The following CLIC4 variants were observed in gnomAD, a reference collection of about 807,000 sequenced individuals.
CLIC4 encodes chloride intracellular channel protein 4.
CLIC4 carries 13 observed loss-of-function variants against 24.6 expected under a neutral mutation model. The observed-to-expected ratio is 0.53, with a 90% CI of 0.34 to 0.84. The LOEUF is 0.84. CLIC4 is among the 40% of genes least tolerant of loss of function. The pLI, the probability that CLIC4 is intolerant of heterozygous loss-of-function variation, is 0.01. For synonymous variants in CLIC4, 104 were observed against 111.3 expected (o/e 0.93, Z 0.41); for missense variants, 227 against 301.7 (o/e 0.75, Z 1.83).
At chr1:24,830,004 ATCCATG>A (rs1639824333) in intron 4 of CLIC4, among the ~76,000 whole-genome samples, 1 of 152,166 alleles carries the variant, frequency 6.6e-6, no homozygotes, top group African/African-American at 2.4e-5. Flanking sequence ...ATATGGTTTT[ATCCATG>A]TCAGTGCTTA....
At chr1:24,803,622 A>G (rs1281276598) in intron 2 of CLIC4, among the ~76,000 whole-genome samples, 1 of 152,216 alleles carries the variant, frequency 6.6e-6, no homozygotes, top group Admixed American at 6.5e-5. Flanking sequence ...ACGTTTAGAT[A>G]GAAAAAAAAG....
At chr1:24,786,984 G>T (rs1329208580) in intron 1 of CLIC4, among the ~76,000 whole-genome samples, 1 of 151,936 alleles carries the variant, frequency 6.6e-6, no homozygotes, top group Non-Finnish European at 1.5e-5. Flanking sequence ...GCAGTGGTGT[G>T]ATCATGGTTC....
At chr1:24,839,424 C>T (rs956031093) in intron 4 of CLIC4, among the ~76,000 whole-genome samples, 37 of 152,140 alleles carry the variant, frequency 2.4e-4, no homozygotes, top group African/African-American at 7.7e-4. Flanking sequence ...CTCAGCCTCC[C>T]GAGTAGCTGG....
intron 3 of CLIC4, among the ~76,000 whole-genome samples, chr1:24,817,270 G>A (rs966339958): frequency 6.6e-6 from 1 of 150,502 alleles, no homozygotes; most frequent in Non-Finnish European, 1.5e-5. Context: ...AGATCAGCTA[G>A]ATCTTCTAGA....
intron 1 of CLIC4, among the ~76,000 whole-genome samples, chr1:24,769,825 GTTTATTTATAAAC>G (rs1302871983): frequency 6.6e-6 from 1 of 151,402 alleles, no homozygotes; most frequent in Non-Finnish European, 1.5e-5. Flanking sequence ...ACTTTAGAGG[GTTTATTTATAAAC>G]TTGTTAAGGA....
chr1:24,770,097 G>GT (rs1639052864), intron 1 of CLIC4, among the ~76,000 whole-genome samples: 2 of 152,162 alleles, frequency 1.3e-5, no homozygotes, highest in South Asian at 4.1e-4. Flanking sequence ...CTGGACTCAA[G>GT]TTATCCTCCC....
intron 1 of CLIC4, among the ~76,000 whole-genome samples, chr1:24,795,720 C>A (rs1224779986): frequency 6.6e-6 from 1 of 152,086 alleles, no homozygotes; most frequent in South Asian, 2.1e-4. Context: ...TAGGCATGCG[C>A]CACAACGCCT....
intron 2 of CLIC4, among the ~76,000 whole-genome samples, chr1:24,812,953 A>C (rs1639629424): frequency 6.6e-6 from 1 of 151,744 alleles, no homozygotes; most frequent in African/African-American, 2.4e-5. Flanking sequence ...TCTTGACCTC[A>C]TGATCTGCCC....
intron 1 of CLIC4, among the ~76,000 whole-genome samples, chr1:24,790,502 T>C (rs1432991196): frequency 6.6e-6 from 1 of 152,266 alleles, no homozygotes; most frequent in African/African-American, 2.4e-5. Context: ...AGTGAGTTTC[T>C]TAGTTTTTTG....
At chr1:24,835,085 C>G (rs186433530) in intron 4 of CLIC4, among the ~76,000 whole-genome samples, 29 of 152,256 alleles carry the variant, frequency 1.9e-4, no homozygotes, top group Admixed American at 7.8e-4. Flanking sequence ...GCTAATGTCT[C>G]AACTTTATTT....
intron 1 of CLIC4, among the ~76,000 whole-genome samples, chr1:24,766,804 C>T (rs2124096553): frequency 6.6e-6 from 1 of 151,524 alleles, no homozygotes; most frequent in South Asian, 2.1e-4. Flanking sequence ...CCACGCCTAG[C>T]CAGTATTTCT....
chr1:24,765,872 C>T (rs1327411558), intron 1 of CLIC4, among the ~76,000 whole-genome samples: 6 of 147,132 alleles, frequency 4.1e-5, no homozygotes, highest in Non-Finnish European at 5.9e-5. Flanking sequence ...AGAGCAGTGA[C>T]GCCATCTTGG....
chr1:24,810,279 TTATGTTTGATTGTTA>T (rs1388181839), intron 2 of CLIC4, among the ~76,000 whole-genome samples: 3 of 152,236 alleles, frequency 2.0e-5, no homozygotes, highest in Admixed American at 2.0e-4. Flanking sequence ...TTTCTACTTT[TTATGTTTGATTGTTA>T]TATCTCTTAA....
intron 1 of CLIC4, among the ~76,000 whole-genome samples, chr1:24,755,974 A>G (rs928597764): frequency 1.4e-5 from 2 of 142,154 alleles, no homozygotes; most frequent in African/African-American, 5.3e-5. Context: ...GGCACGCACC[A>G]CCATGCCCAG....
chr1:24,762,596 A>G (rs571744870), intron 1 of CLIC4, among the ~76,000 whole-genome samples: 2 of 152,262 alleles, frequency 1.3e-5, no homozygotes, highest in East Asian at 1.9e-4. Context: ...GAGGAAAACT[A>G]CTAGAGTGAG....
chr1:24,817,668 T>G (rs1186386087), intron 3 of CLIC4, among the ~76,000 whole-genome samples: 1 of 152,250 alleles, frequency 6.6e-6, no homozygotes, highest in Non-Finnish European at 1.5e-5. Context: ...GTATATGCTG[T>G]TTGGCTGTTT....
chr1:24,771,602 G>C (rs969157008), intron 1 of CLIC4, among the ~76,000 whole-genome samples: 1 of 151,680 alleles, frequency 6.6e-6, no homozygotes, highest in African/African-American at 2.4e-5. Context: ...AGTGTTTTTT[G>C]GCAAATTGGT....
At position 24,844,290 on chromosome 1, in the gene CLIC4, C is replaced by T. The variant is rs1639971081; in HGVS notation, c.*3353C>T. 6.6e-6 allele frequency: 1 copy of T among 152,472 alleles called. No homozygotes were observed. Among genetic ancestry groups the T allele is most frequent in the African/African-American group, 2.4e-5 (1 of 41,404 alleles). The allele number at this position is 152,472 out of a possible 1,614,324, so 9.4% of individuals were successfully genotyped here. On this transcript the variant is annotated 3_prime_UTR_variant, in exon 6 of 6. Coordinates refer to ENST00000374379, the MANE Select transcript of CLIC4 (RefSeq NM_013943.3). Reference sequence around the variant, plus strand: ...ATCATAAAGGATTCTTTTTTCCCCCCTCATGAAAATAAACAACAACTTGGG... The same window carrying T: ...ATCATAAAGGATTCTTTTTTCCCCCTTCATGAAAATAAACAACAACTTGGG...
intron 3 of CLIC4, among the ~76,000 whole-genome samples, chr1:24,822,726 G>C (rs2124162650): frequency 6.6e-6 from 1 of 152,300 alleles, no homozygotes; most frequent in South Asian, 2.1e-4. Context: ...GAAACAGCAT[G>C]TTTGAAGTGG....
Sources: allele counts gnomAD v4.1 joint callset (sites outside exome capture counted in the v4.1 genomes callset), GRCh38; gene constraint gnomAD v4.1.1; transcripts MANE v1.5; gene names NCBI Gene and HGNC (gene_info 2026-07-23, HGNC 2026-07-21).